Variants in PCBP3 observed in about 807,000 individuals in gnomAD.
PCBP3 encodes poly(rC)-binding protein 3.
Under a neutral mutation model 52.7 loss-of-function variants are expected in PCBP3, and 25 were observed. The observed-to-expected ratio is 0.47, with a 90% CI of 0.35 to 0.66. PCBP3 has a LOEUF of 0.66. PCBP3 is among the 30% of genes least tolerant of loss of function. The pLI, the probability that PCBP3 is intolerant of heterozygous loss-of-function variation, is 0.01. For missense variants in PCBP3, 391 were observed against 490.3 expected (o/e 0.80, Z 1.91); for synonymous variants, 162 against 183.0 (o/e 0.89, Z 0.93).
At chr21:45,784,402 CTCTACCGCTACCGCTACCCCTACCT>C (rs1178640517) in intron 4 of PCBP3, among the ~76,000 whole-genome samples, 4 of 141,152 alleles carry the variant, frequency 2.8e-5, no homozygotes, top group African/African-American at 1.2e-4. Flanking sequence ...CTACCGCTAC[CTCTACCGCTACCGCTACCCCTACCT>C]CCTACCTCCT....
chr21:45,818,928 G>A (rs184841283), intron 4 of PCBP3, among the ~76,000 whole-genome samples: 10 of 152,344 alleles, frequency 6.6e-5, no homozygotes, highest in Admixed American at 5.2e-4. Flanking sequence ...CATGCTATAC[G>A]ATTCCAACTA....
intron 4 of PCBP3, among the ~76,000 whole-genome samples, chr21:45,785,471 G>A (rs1345404160): frequency 6.9e-6 from 1 of 145,010 alleles, no homozygotes; most frequent in Non-Finnish European, 1.5e-5. Context: ...AGGTGGGGGG[G>A]TCAGCCCCCC....
rs2080353642 is a variant in PCBP3, at chr21:45,661,005, C to T, written c.-278-7869C>T. 2.0e-5 allele frequency among the ~76,000 whole-genome samples: 3 copies of T among 152,060 alleles called. No individual in the cohort carries two copies. In the South Asian group the frequency reaches 6.2e-4, roughly 32 times the overall value. On this transcript the variant is annotated intron_variant, in intron 1 of 17. Transcript: ENST00000681687. The stretch of plus-strand genomic sequence containing the variant: ...GCAGTGAGCTGAGATTGCACCATTG[C>T]ACTACAGCCTAGGAGACAAAGGAAA...
chr21:45,893,002 GAGCCGATAATAACAGGGA>G (rs969667158), intron 5 of PCBP3, among the ~76,000 whole-genome samples: 1 of 152,042 alleles, frequency 6.6e-6, no homozygotes, highest in Admixed American at 6.5e-5. Flanking sequence ...CTGGAGAGGG[GAGCCGATAATAACAGGGA>G]AGCCCCATGA....
intron 4 of PCBP3, chr21:45,836,381 G>T (rs1224848052): frequency 6.6e-6 from 1 of 152,260 alleles, no homozygotes; most frequent in Non-Finnish European, 1.5e-5. Context: ...CTGGAATGGG[G>T]TTTGGTGCTT....
In PCBP3 at chr21:45,643,730, A is replaced by T. The variant is rs2079066902; in HGVS notation, c.-417A>T. ...CGCCTGAAGCCGCGACCGCCGCCTCAGCCGCCTCAGCCGCGGTCGCCGCCG... is the reference window on the plus strand; with the variant it reads ...CGCCTGAAGCCGCGACCGCCGCCTCTGCCGCCTCAGCCGCGGTCGCCGCCG... On this transcript the variant is annotated 5_prime_UTR_variant, in exon 1 of 18. Transcript: ENST00000681687. The T allele has an allele frequency of 6.8e-6, 1 of 147,724 alleles. No individual in the cohort carries two copies. The highest frequency in any genetic ancestry group is 2.1e-4 in the South Asian group (1 of 4,822). The allele number at this position is 147,724 out of a possible 1,614,324, so 9.2% of individuals were successfully genotyped here. A position where few individuals can be genotyped will look rare whatever the true frequency, so the allele number is the denominator to read the frequency against.
At chr21:45,730,691 A>G (rs1271040286) in intron 2 of PCBP3, among the ~76,000 whole-genome samples, 1 of 152,128 alleles carries the variant, frequency 6.6e-6, no homozygotes, top group Non-Finnish European at 1.5e-5. Context: ...GTTGCTTTAT[A>G]TATTTTTAAG....
intron 1 of PCBP3, among the ~76,000 whole-genome samples, chr21:45,649,226 C>T (rs2079525254): frequency 6.6e-6 from 1 of 152,170 alleles, no homozygotes; most frequent in Admixed American, 6.5e-5. Context: ...CCTTTTAAAA[C>T]TATCTGATCT....
At chr21:45,710,681 CTGTTTGGAAGGAAGTCATCTTG>C (rs1170600006) in intron 2 of PCBP3, among the ~76,000 whole-genome samples, 3 of 152,168 alleles carry the variant, frequency 2.0e-5, no homozygotes, top group Non-Finnish European at 4.4e-5. Context: ...CCATACTGTA[CTGTTTGGAAGGAAGTCATCTTG>C]TGTAGTGCAC....
intron 13 of PCBP3, among the ~76,000 whole-genome samples, chr21:45,922,996 G>A (rs985703364): frequency 1.3e-5 from 2 of 152,246 alleles, no homozygotes; most frequent in African/African-American, 4.8e-5. Context: ...GTGGGAGCCA[G>A]GGATGGGAGG....
chr21:45,669,838 T>TAA (rs2081062537), intron 2 of PCBP3, among the ~76,000 whole-genome samples: 1 of 127,616 alleles, frequency 7.8e-6, no homozygotes, highest in Non-Finnish European at 1.7e-5. Context: ...TATATATATA[T>TAA]ATATATATCA....
rs1476694210 is a variant in PCBP3 at position 45,724,902 on chromosome 21, G to A, written c.-199-10490G>A. Among the ~76,000 whole-genome samples the A allele has an allele frequency of 6.6e-6, 1 of 152,162 alleles. No individual in the cohort carries two copies. Among genetic ancestry groups the A allele is most frequent in the Admixed American group, 6.5e-5 (1 of 15,278 alleles). On this transcript the variant is annotated intron_variant, in intron 2 of 17. Coordinates refer to ENST00000681687, the MANE Select transcript of PCBP3 (RefSeq NM_001384156.1). This position sits in a 1 kb window ranked among gnomAD's most constrained non-coding sequence, Gnocchi z 5.3. Reference sequence around the variant, plus strand: ...GAGATGCTGTCATTGGGATACTACAGTATTCCATGAACTTCCTCTATAACT... The same window carrying A: ...GAGATGCTGTCATTGGGATACTACAATATTCCATGAACTTCCTCTATAACT...
At chr21:45,912,538 G>A (rs900294493) in intron 11 of PCBP3, among the ~76,000 whole-genome samples, 2 of 152,160 alleles carry the variant, frequency 1.3e-5, no homozygotes, top group African/African-American at 2.4e-5. Context: ...GAGTCTGGGT[G>A]GGGCCTGCTG....
chr21:45,658,877 T>C (rs897406599), intron 1 of PCBP3, among the ~76,000 whole-genome samples: 39 of 152,278 alleles, frequency 2.6e-4, no homozygotes, highest in African/African-American at 8.9e-4. Context: ...TACTGTTTTT[T>C]AAGTTTTGAT....
intron 5 of PCBP3, among the ~76,000 whole-genome samples, chr21:45,852,399 T>G (rs565218850): frequency 1.6e-5 from 2 of 123,328 alleles, no homozygotes; most frequent in South Asian, 3.2e-4. Flanking sequence ...CCACCCTGAC[T>G]TTTGTTCAGA....
chr21:45,918,986 T>G (rs1023876441), intron 13 of PCBP3: 2 of 153,162 alleles, frequency 1.3e-5, no homozygotes, highest in Non-Finnish European at 2.9e-5. Flanking sequence ...CTCTGGGCTG[T>G]GCGGCTCAGA....
chr21:45,670,683 A>G (rs990300815), intron 2 of PCBP3, among the ~76,000 whole-genome samples: 1 of 152,192 alleles, frequency 6.6e-6, no homozygotes, highest in African/African-American at 2.4e-5. Flanking sequence ...TTGTGGTTCC[A>G]GTGCAAATTG....
chr21:45,764,932 A>T (rs2089150253), intron 4 of PCBP3, among the ~76,000 whole-genome samples: 1 of 152,180 alleles, frequency 6.6e-6, no homozygotes, highest in Non-Finnish European at 1.5e-5. Flanking sequence ...GTTTGGCTGC[A>T]GAGCCTTGGA....
chr21:45,817,407 T>C lies in PCBP3; in HGVS notation c.-125-32554T>C, dbSNP rs561948392. Among the ~76,000 whole-genome samples, 2 of 152,242 alleles carry C rather than the reference T, an allele frequency of 1.3e-5. No individual in the cohort carries two copies. Among genetic ancestry groups the C allele is most frequent in the Non-Finnish European group, 2.9e-5 (2 of 68,038 alleles). ...TTCTGTCTCTCTCTGCCATTCCTCA[T>C]GGAGTCCTTGCGTGCACAGCATAGT... On this transcript the variant is annotated intron_variant, in intron 4 of 17. Coordinates refer to ENST00000681687, the MANE Select transcript of PCBP3 (RefSeq NM_001384156.1). The surrounding 1 kb of genome is among the most constrained non-coding windows in gnomAD (Gnocchi z 4.3).
Sources: allele counts gnomAD v4.1 joint callset (sites outside exome capture counted in the v4.1 genomes callset), GRCh38; gene constraint gnomAD v4.1.1; non-coding constraint Gnocchi (gnomAD v3.1); transcripts MANE v1.5; gene names NCBI Gene and HGNC (gene_info 2026-07-23, HGNC 2026-07-21).